Variants in DGLUCY observed in about 807,000 individuals in gnomAD.
The protein encoded by DGLUCY is D-glutamate cyclase, mitochondrial.
In DGLUCY, 58 loss-of-function variants were observed where a neutral mutation model predicts 58.5. That is an observed-to-expected ratio of 0.99 (90% CI 0.80 to 1.23). The LOEUF is 1.23. Among genes scored for constraint, DGLUCY ranks in the 50% most tolerant of loss-of-function variants. The probability of loss-of-function intolerance (pLI) is 0.00; values close to 1 mark genes in which losing one functional copy is unlikely to be tolerated. For synonymous variants in DGLUCY, 325 were observed against 314.1 expected, an observed-to-expected ratio of 1.03 and a Z score of -0.37; for missense variants, 779 against 784.7, an observed-to-expected ratio of 0.99 and a Z score of 0.09.
At chr14:91,200,127 G>A (rs969525011) in intron 11 of DGLUCY, among the ~76,000 whole-genome samples, 1 of 152,044 alleles carries the variant, frequency 6.6e-6, no homozygotes, top group African/African-American at 2.4e-5. Context: ...GCTAATTTTT[G>A]TATGTTTGGT....
At chr14:91,102,654 A>G (rs1228539544) in intron 1 of DGLUCY, among the ~76,000 whole-genome samples, 1 of 151,698 alleles carries the variant, frequency 6.6e-6, no homozygotes, top group African/African-American at 2.4e-5. Flanking sequence ...TCTACAGGGC[A>G]TGGATATGGG....
chr14:91,186,735 A>G (rs2049546559), intron 8 of DGLUCY, among the ~76,000 whole-genome samples: 1 of 152,144 alleles, frequency 6.6e-6, no homozygotes, highest in Admixed American at 6.5e-5. Flanking sequence ...GGAATGCACA[A>G]ATCTAAGACA....
intron 1 of DGLUCY, among the ~76,000 whole-genome samples, chr14:91,064,632 A>AG (rs1304667871): frequency 2.2e-4 from 34 of 151,640 alleles, no homozygotes; most frequent in African/African-American, 8.0e-4. Flanking sequence ...CAAAAAAAAA[A>AG]AAAAAAAAAA....
intron 1 of DGLUCY, among the ~76,000 whole-genome samples, chr14:91,120,323 A>G (rs1178401536): frequency 6.6e-6 from 1 of 152,084 alleles, no homozygotes; most frequent in Non-Finnish European, 1.5e-5. Context: ...CAAATTCCTC[A>G]TCAGTCTCTT....
intron 1 of DGLUCY, among the ~76,000 whole-genome samples, chr14:91,087,455 C>T (rs968655649): frequency 2.6e-5 from 4 of 152,194 alleles, no homozygotes; most frequent in Non-Finnish European, 5.9e-5. Context: ...TAAGTATTTG[C>T]TAGCCGTAAT....
chr14:91,125,375 A>T lies in DGLUCY; in HGVS notation c.-82+11092A>T, dbSNP rs535189468. Among the ~76,000 whole-genome samples the T allele has an allele frequency of 1.4e-4, 22 of 152,264 alleles. No individual in the cohort carries two copies. The South Asian group carries it at 4.1e-3, about 29-fold the overall frequency. On this transcript the variant is annotated intron_variant, in intron 1 of 13. Transcript: ENST00000256324. Reference sequence around the variant, plus strand: ...CAAATGGATTTGAGCAGAAAAGGGGAAGTGACTGGCAGAAAAGCCCAGAGA... The same window carrying T: ...CAAATGGATTTGAGCAGAAAAGGGGTAGTGACTGGCAGAAAAGCCCAGAGA...
intron 1 of DGLUCY, among the ~76,000 whole-genome samples, chr14:91,136,128 T>C (rs1248056338): frequency 6.7e-6 from 1 of 150,052 alleles, no homozygotes; most frequent in Non-Finnish European, 1.5e-5. Flanking sequence ...AGAGACGGGG[T>C]TTCATCATGT....
At chr14:91,220,987 C>T (rs958307808) in intron 13 of DGLUCY, among the ~76,000 whole-genome samples, 1 of 152,228 alleles carries the variant, frequency 6.6e-6, no homozygotes, top group African/African-American at 2.4e-5. Context: ...CTGGACTTCC[C>T]CCACCTCAAC....
chr14:91,206,391 T>G (rs1295489143), intron 12 of DGLUCY, among the ~76,000 whole-genome samples: 1 of 152,056 alleles, frequency 6.6e-6, no homozygotes, highest in Non-Finnish European at 1.5e-5. Flanking sequence ...TTCTTTTTTT[T>G]TTCTTTTCTG....
chr14:91,189,680 G>C (rs139562228), intron 9 of DGLUCY: 157 of 163,692 alleles, frequency 9.6e-4, no homozygotes, highest in Middle Eastern at 3.2e-3. Context: ...GGCTCAATGT[G>C]AACAACCGCT....
intron 1 of DGLUCY, among the ~76,000 whole-genome samples, chr14:91,073,404 A>G (rs2043956444): frequency 1.3e-5 from 2 of 152,216 alleles, no homozygotes; most frequent in Middle Eastern, 3.4e-3. Flanking sequence ...TCGTGCCACT[A>G]TACTCCAGCC....
chr14:91,111,726 T>A (rs1459114407), upstream of DGLUCY, among the ~76,000 whole-genome samples: 3 of 152,254 alleles, frequency 2.0e-5, no homozygotes, highest in Non-Finnish European at 4.4e-5. Context: ...AATGCCATCA[T>A]TAGGGCTCAA....
chr14:91,160,202 G>A, intron 2 of DGLUCY, 64 bp from the exon 3 acceptor site: 2 of 992,402 alleles, frequency 2.0e-6, no homozygotes, highest in South Asian at 1.3e-5. Context: ...GCTATGTGAG[G>A]CTGAATCTGC....
intron 9 of DGLUCY, among the ~76,000 whole-genome samples, chr14:91,190,424 A>G (rs1015018823): frequency 6.6e-6 from 1 of 152,154 alleles, no homozygotes; most frequent in Non-Finnish European, 1.5e-5. Context: ...TGATGATGCC[A>G]TGGGGAAAAT....
intron 5 of DGLUCY, among the ~76,000 whole-genome samples, chr14:91,172,934 G>GT (rs973267974): frequency 1.8e-4 from 28 of 152,176 alleles, no homozygotes; most frequent in African/African-American, 6.3e-4. Context: ...GTGAGCCATC[G>GT]TGTCTGGCCA....
At chr14:91,165,765 G>A (rs2048247769) in intron 3 of DGLUCY, among the ~76,000 whole-genome samples, 2 of 152,192 alleles carry the variant, frequency 1.3e-5, no homozygotes, top group South Asian at 2.1e-4. Flanking sequence ...TACCACTGGT[G>A]CAAGTGTCAA....
At chr14:91,093,008 C>T (rs539267153) in intron 1 of DGLUCY, among the ~76,000 whole-genome samples, 99 of 150,702 alleles carry the variant, frequency 6.6e-4, no homozygotes, top group African/African-American at 2.3e-3. Context: ...CACTTGAATC[C>T]GGGAGACAAA....
chr14:91,151,547 A>G (rs1167896162), intron 1 of DGLUCY, among the ~76,000 whole-genome samples: 1 of 148,064 alleles, frequency 6.8e-6, no homozygotes, highest in Non-Finnish European at 1.5e-5. Flanking sequence ...TGCCTGGCCT[A>G]TTTTTTTTAT....
chr14:91,064,814 A>C (rs1290093394), intron 1 of DGLUCY, among the ~76,000 whole-genome samples: 1 of 152,120 alleles, frequency 6.6e-6, no homozygotes, highest in Non-Finnish European at 1.5e-5. Context: ...GAATTTGTCA[A>C]CTTGGGTACC....
Sources: gnomAD v4.1 joint callset for allele counts (sites outside exome capture counted in the v4.1 genomes callset) on GRCh38, gnomAD v4.1.1 for gene constraint, MANE v1.5 for transcripts, NCBI Gene and HGNC (gene_info 2026-07-23, HGNC 2026-07-21) for gene names.